The following CDS2 variants were observed in gnomAD, a reference collection of about 807,000 sequenced individuals.
CDS2 encodes phosphatidate cytidylyltransferase 2.
In CDS2, 47 loss-of-function variants were observed where a neutral mutation model predicts 59.0. The ratio of observed to expected loss-of-function variants is 0.80; its 90% CI spans 0.63 to 1.02. The LOEUF (loss-of-function observed/expected upper bound fraction) is 1.02, where lower values mean the gene tolerates loss of function less well. CDS2 is among the 50% of genes least tolerant of loss of function. The pLI is 0.00. For synonymous variants in CDS2, 207 were observed against 206.4 expected (o/e 1.00, Z -0.02); for missense variants, 356 against 558.9 (o/e 0.64, Z 3.66).
intron 1 of CDS2, among the ~76,000 whole-genome samples, chr20:5,170,492 GC>G (rs1200639280): frequency 6.6e-6 from 1 of 152,222 alleles, no homozygotes; most frequent in East Asian, 1.9e-4. Flanking sequence ...GTTCCCTTTG[GC>G]GTCCACAGGA....
Position 5,178,837 on chromosome 20 carries a change from A to G in CDS2, c.410A>G (p.Asn137Ser). 1 of 1,614,116 alleles carries G rather than the reference A, an allele frequency of 6.2e-7. No homozygotes were observed. Among genetic ancestry groups the G allele is most frequent in the South Asian group, 1.1e-5 (1 of 91,078 alleles). Residue 137 changes from asparagine to serine, a missense_variant, in exon 5 of 13, where the codon AAC becomes AGC. By Grantham distance (46) the Asn-to-Ser change is conservative. Around this residue, in one of 5 missense-constraint regions of CDS2, gnomAD observed 87 missense variants for 193.3 expected, o/e 0.45. Transcript: ENST00000460006. ...TACAGGTACTTTCTCCTGTGTGTAA[A>G]CTATTTCTTCTATGGTGAGACAGTG... ...TLSWYFLLCV[N>S]YFFYGETVTD...
At chr20:5,177,693 C>G (rs1568541708) in intron 4 of CDS2, among the ~76,000 whole-genome samples, 1 of 152,028 alleles carries the variant, frequency 6.6e-6, no homozygotes, top group South Asian at 2.1e-4. Flanking sequence ...GGTTTTTGCC[C>G]CAGCAACCTG....
chr20:5,141,796 G>A (rs1426164645), intron 1 of CDS2, among the ~76,000 whole-genome samples: 2 of 152,060 alleles, frequency 1.3e-5, no homozygotes, highest in Non-Finnish European at 2.9e-5. Flanking sequence ...GAATTGGATG[G>A]TACCCAGCTA....
chr20:5,176,854 T>A lies in CDS2; in HGVS notation c.389+109T>A, dbSNP rs778585527. 5.8e-4 allele frequency: 450 copies of A among 780,788 alleles called. 1 individual carries two copies. The highest frequency in any genetic ancestry group is 7.8e-4 in the Non-Finnish European group (347 of 443,750). 48.4% of individuals were successfully genotyped at this position (780,788 alleles called of 1,614,324 possible). On this transcript the variant is annotated intron_variant, in intron 4 of 12. Transcript: ENST00000460006. Reference sequence around the variant, plus strand: ...TATCACTTGCTATAGAGATAAATGCTGGAGAGGCAGTTATCATGTTAGGTC... The same window carrying A: ...TATCACTTGCTATAGAGATAAATGCAGGAGAGGCAGTTATCATGTTAGGTC...
At chr20:5,189,657 C>A in intron 11 of CDS2, 78 bp from the exon 12 acceptor site, 1 of 1,008,204 alleles carries the variant, frequency 9.9e-7, no homozygotes, top group Non-Finnish European at 1.5e-6. Context: ...AGAAGCCTGA[C>A]ATTGGGGTGG....
In CDS2 at chr20:5,186,849, A is replaced by G. The variant is rs572586732; in HGVS notation, c.981+10A>G. On this transcript the variant is annotated intron_variant, in intron 10 of 12. Coordinates refer to ENST00000460006, the MANE Select transcript of CDS2 (RefSeq NM_003818.4). Reference sequence around the variant, plus strand: ...GTCAGTCATTGGCTGGGTATGTGCCACTCACAGGGGGTGAGCGGCCTCCAT... The same window carrying G: ...GTCAGTCATTGGCTGGGTATGTGCCGCTCACAGGGGGTGAGCGGCCTCCAT... 8.7e-6 allele frequency: 14 copies of G among 1,613,566 alleles called. No individual in the cohort carries two copies. In the South Asian group the frequency reaches 1.5e-4, roughly 18 times the overall value.
intron 5 of CDS2, 88 bp from the exon 6 acceptor site, chr20:5,182,299 C>G: frequency 3.5e-6 from 4 of 1,157,906 alleles, no homozygotes; most frequent in Non-Finnish European, 4.9e-6. Context: ...AATAAATTAG[C>G]CAAAGAACCA....
intron 12 of CDS2, 69 bp downstream of exon 12, chr20:5,189,907 G>A (rs1035987794): frequency 4.9e-6 from 7 of 1,421,732 alleles, no homozygotes; most frequent in South Asian, 2.4e-5. Flanking sequence ...GAATTTTAGC[G>A]GCATCTAAGT....
At chr20:5,158,090 A>C (rs1242246138) in intron 1 of CDS2, among the ~76,000 whole-genome samples, 1 of 149,244 alleles carries the variant, frequency 6.7e-6, no homozygotes, top group Non-Finnish European at 1.5e-5. Context: ...AGTGTATTTT[A>C]TATGTGGCCC....
At chr20:5,132,662 A>G (rs921495295) in intron 1 of CDS2, among the ~76,000 whole-genome samples, 5 of 152,188 alleles carry the variant, frequency 3.3e-5, no homozygotes, top group Non-Finnish European at 7.3e-5. Context: ...GTAAACCTTA[A>G]CTATGATTCC....
At chr20:5,159,366 TTTA>T (rs2123011270) in intron 1 of CDS2, among the ~76,000 whole-genome samples, 1 of 133,098 alleles carries the variant, frequency 7.5e-6, no homozygotes, top group South Asian at 2.4e-4. Context: ...TGACATAAAT[TTTA>T]TGTCAGATAA....
intron 5 of CDS2, among the ~76,000 whole-genome samples, chr20:5,179,684 C>T (rs2091019634): frequency 6.6e-6 from 1 of 152,328 alleles, no homozygotes; most frequent in East Asian, 1.9e-4. Context: ...ACTCTGCAAC[C>T]TCAGGGGGAG....
rs2091161423 is a variant in CDS2, at chr20:5,196,858, C to T, written c.*6624C>T. 6.6e-6 allele frequency: 1 copy of T among 152,428 alleles called. No homozygotes were observed. The highest frequency in any genetic ancestry group is 2.4e-5 in the African/African-American group (1 of 41,426). 9.4% of individuals were successfully genotyped at this position (152,428 alleles called of 1,614,324 possible). A position where few individuals can be genotyped will look rare whatever the true frequency, so the allele number is the denominator to read the frequency against. ...AACAGACATCAGGGGCCGATGAAAC[C>T]AAAGGACTAGGAGTCAGGAGAACAA... On this transcript the variant is annotated 3_prime_UTR_variant, in exon 13 of 13. Coordinates refer to ENST00000460006, the MANE Select transcript of CDS2 (RefSeq NM_003818.4).
At chr20:5,174,266 C>T (rs1040758) in intron 2 of CDS2, among the ~76,000 whole-genome samples, 106,232 of 151,612 alleles carry the variant, frequency 0.7, 38,051 homozygotes, top group African/African-American at 0.85. Flanking sequence ...CCAACTGTCC[C>T]CTTGGGAGTC....
intron 1 of CDS2, among the ~76,000 whole-genome samples, chr20:5,153,255 T>C (rs56380110): frequency 0.022 from 3,349 of 152,348 alleles, 41 homozygotes; most frequent in South Asian, 0.038. Context: ...TTATACTTTT[T>C]ATGTACACTT....
intron 1 of CDS2, among the ~76,000 whole-genome samples, chr20:5,168,932 C>G (rs371922236): frequency 8.4e-4 from 128 of 152,246 alleles, no homozygotes; most frequent in African/African-American, 2.9e-3. Flanking sequence ...GGTGGAGAAG[C>G]TTTCTGAGCA....
chr20:5,129,612 T>G (rs1600459583), intron 1 of CDS2, among the ~76,000 whole-genome samples: 1 of 152,150 alleles, frequency 6.6e-6, no homozygotes, highest in African/African-American at 2.4e-5. Context: ...CCGGCTAATG[T>G]TGTATTTTTA....
In CDS2 at chr20:5,179,935, A is replaced by G. The variant is rs2091021606; in HGVS notation, c.529+979A>G. 2.0e-5 allele frequency among the ~76,000 whole-genome samples: 3 copies of G among 152,316 alleles called. No individual in the cohort carries two copies. In the South Asian group the frequency reaches 6.2e-4, roughly 32 times the overall value. ...TCTGACCTCAATGTCAATCTGACCTATTTTTGATCAGCTTGATAGCAATAC... is the reference window on the plus strand; with the variant it reads ...TCTGACCTCAATGTCAATCTGACCTGTTTTTGATCAGCTTGATAGCAATAC... On this transcript the variant is annotated intron_variant, in intron 5 of 12. Coordinates refer to ENST00000460006, the MANE Select transcript of CDS2 (RefSeq NM_003818.4).
At chr20:5,166,497 A>G (rs2123025862) in intron 1 of CDS2, among the ~76,000 whole-genome samples, 1 of 152,086 alleles carries the variant, frequency 6.6e-6, no homozygotes, top group Non-Finnish European at 1.5e-5. Context: ...GAGCATGAGA[A>G]TGAATGGGGA....
Sources: allele counts gnomAD v4.1 joint callset (sites outside exome capture counted in the v4.1 genomes callset), GRCh38; gene constraint gnomAD v4.1.1; regional missense constraint gnomAD v4.1.1; transcripts MANE v1.5; gene names NCBI Gene and HGNC (gene_info 2026-07-23, HGNC 2026-07-21).